The following KCTD1 variants were observed in gnomAD, a reference collection of about 807,000 sequenced individuals.
KCTD1 encodes the protein BTB/POZ domain-containing protein KCTD1.
Under a neutral mutation model 66.0 loss-of-function variants are expected in KCTD1, and 24 were observed. The ratio of observed to expected loss-of-function variants is 0.36; its 90% CI spans 0.26 to 0.51. KCTD1 has a LOEUF of 0.51. Among genes scored for constraint, KCTD1 ranks in the 20% least tolerant of loss-of-function variants. KCTD1 has a pLI of 0.95. For missense variants in KCTD1, 943 were observed against 1,205.2 expected (o/e 0.78, Z 3.22); for synonymous variants, 511 against 517.2 (o/e 0.99, Z 0.16).
intron 1 of KCTD1, among the ~76,000 whole-genome samples, chr18:26,569,390 C>G (rs1214954589): frequency 6.6e-6 from 1 of 152,178 alleles, no homozygotes; most frequent in Non-Finnish European, 1.5e-5. Context: ...GTGCTTTGGG[C>G]AGAGCTTCTC....
chr18:26,651,562 T>A (rs1988034193), intron 1 of KCTD1, among the ~76,000 whole-genome samples: 1 of 151,894 alleles, frequency 6.6e-6, no homozygotes, highest in African/African-American at 2.4e-5. Context: ...GGTGGGCGGA[T>A]CACTTGAGGT....
intron 1 of KCTD1, among the ~76,000 whole-genome samples, chr18:26,646,492 T>C (rs1468775553): frequency 6.6e-6 from 1 of 152,206 alleles, no homozygotes; most frequent in Non-Finnish European, 1.5e-5. Context: ...GTGTTAAAAA[T>C]GTATCTGTCA....
chr18:26,581,307 G>A (rs1259415177), intron 1 of KCTD1: 1 of 152,170 alleles, frequency 6.6e-6, no homozygotes, highest in African/African-American at 2.4e-5. Flanking sequence ...TAGTGCAGTG[G>A]TATGATCATG....
At chr18:26,548,661 C>T, upstream of KCTD1, 2 of 1,071,054 alleles carry the variant, frequency 1.9e-6, no homozygotes, top group Non-Finnish European at 2.3e-6. Flanking sequence ...AAAGGAGCCG[C>T]GCTCCAATTG....
At chr18:26,536,295 T>C (rs1405388764) in intron 1 of KCTD1, among the ~76,000 whole-genome samples, 1 of 152,248 alleles carries the variant, frequency 6.6e-6, no homozygotes, top group Non-Finnish European at 1.5e-5. Flanking sequence ...TCTTAAAATA[T>C]GTGGCTTCAC....
intron 2 of KCTD1, among the ~76,000 whole-genome samples, chr18:26,497,481 T>C (rs770697002): frequency 1.4e-4 from 22 of 152,270 alleles, no homozygotes; most frequent in South Asian, 4.1e-4. Flanking sequence ...GTTGATAATA[T>C]GCAAGAGACT....
chr18:26,557,307 A>G (rs1391777601), intron 1 of KCTD1, among the ~76,000 whole-genome samples: 1 of 152,216 alleles, frequency 6.6e-6, no homozygotes, highest in Non-Finnish European at 1.5e-5. Flanking sequence ...TGAAATGCCC[A>G]GGAAAGTGTT....
intron 1 of KCTD1, among the ~76,000 whole-genome samples, chr18:26,628,761 G>A (rs73405379): frequency 9.2e-5 from 14 of 152,278 alleles, no homozygotes; most frequent in African/African-American, 3.4e-4. Flanking sequence ...AAGGGGTATG[G>A]GGTGGAGTTA....
chr18:26,571,938 G>A (rs1986117281), intron 1 of KCTD1, among the ~76,000 whole-genome samples: 1 of 152,100 alleles, frequency 6.6e-6, no homozygotes, highest in South Asian at 2.1e-4. Flanking sequence ...TTAACCCATT[G>A]AGTGAATTTA....
In KCTD1 at chr18:26,476,799, T is replaced by G; in HGVS notation, c.1989-140A>C. ...AAAAATTACGATTGTCTGCAAAGTGTTGGTCCCCGCTTGATAAATATCTCA... is the reference window on the plus strand; with the variant it reads ...AAAAATTACGATTGTCTGCAAAGTGGTGGTCCCCGCTTGATAAATATCTCA... On this transcript the variant is annotated intron_variant, in intron 2 of 4. Coordinates refer to ENST00000580059, the MANE Select transcript of KCTD1 (RefSeq NM_001142730.3). This position sits in a 1 kb window ranked among gnomAD's most constrained non-coding sequence, Gnocchi z 4.9. The G allele has an allele frequency of 1.5e-6, 1 of 686,382 alleles. No homozygotes were observed. Among genetic ancestry groups the G allele is most frequent in the Non-Finnish European group, 2.5e-6 (1 of 402,426 alleles). The allele number at this position is 686,382 out of a possible 1,614,324, so 42.5% of individuals were successfully genotyped here.
chr18:26,501,026 C>T (rs975452274), intron 2 of KCTD1, 46 bp downstream of exon 2: 1 of 1,589,926 alleles, frequency 6.3e-7, no homozygotes, highest in Non-Finnish European at 8.6e-7. Flanking sequence ...AACAGGTTAC[C>T]AAATACATGC....
chr18:26,617,838 A>C (rs977267283), intron 1 of KCTD1, among the ~76,000 whole-genome samples: 1 of 71,030 alleles, frequency 1.4e-5, no homozygotes, highest in Non-Finnish European at 2.8e-5. Context: ...GGAAGAAGGA[A>C]GGAAGGAAGG....
rs574319246 is a variant in KCTD1, at chr18:26,517,537, A to C, written c.1810-16287T>G. Among the ~76,000 whole-genome samples the C allele has an allele frequency of 2.6e-3, 402 of 152,072 alleles. 2 individuals are homozygous for C. The highest frequency in any genetic ancestry group is 9.2e-3 in the African/African-American group (381 of 41,454). On this transcript the variant is annotated intron_variant, in intron 1 of 4. Transcript: ENST00000580059. ...CTGAGCATGGTGATGCATGCCTGTA[A>C]TCCTAGCTACTCAAGAGGCTGAGGC...
chr18:26,469,029 G>C (rs1264599242), intron 3 of KCTD1, among the ~76,000 whole-genome samples: 4 of 152,300 alleles, frequency 2.6e-5, no homozygotes, highest in Non-Finnish European at 5.9e-5. Flanking sequence ...CCAGCCACCA[G>C]AGCGGAAGGA....
chr18:26,567,470 T>C lies in KCTD1; in HGVS notation c.-16+61677A>G, dbSNP rs528445816. Among the ~76,000 whole-genome samples the C allele has an allele frequency of 5.1e-5, 7 of 138,104 alleles. No individual in the cohort carries two copies. In the East Asian group the frequency reaches 1.6e-3, roughly 31 times the overall value. 90.6% of individuals were successfully genotyped at this position (138,104 alleles called of 152,430 possible). On this transcript the variant is annotated intron_variant, in intron 1 of 4. Coordinates refer to the KCTD1 transcript ENST00000317932. ...GGAAATGCTGTTGTTCTAGAAATGC[T>C]GTTGTTCTGTTGTTGTTGTTTTTTT...
chr18:26,500,929 G>C, intron 2 of KCTD1, 143 bp downstream of exon 2: 1 of 793,178 alleles, frequency 1.3e-6, no homozygotes, highest in Non-Finnish European at 2.0e-6. Context: ...AAGACATCCA[G>C]CCTAGGCAGC....
intron 1 of KCTD1, among the ~76,000 whole-genome samples, chr18:26,606,952 T>C (rs1189036363): frequency 1.3e-5 from 2 of 152,038 alleles, no homozygotes; most frequent in Admixed American, 6.6e-5. Flanking sequence ...CCTAAACTTA[T>C]CTTTCTATCA....
chr18:26,643,961 CA>C (rs890315771), upstream of KCTD1, among the ~76,000 whole-genome samples: 38 of 143,046 alleles, frequency 2.7e-4, no homozygotes, highest in East Asian at 4.1e-4. Flanking sequence ...GACTCTGTCT[CA>C]AAAAAAAAAG....
chr18:26,595,618 T>C (rs528812649), intron 1 of KCTD1, among the ~76,000 whole-genome samples: 2 of 152,350 alleles, frequency 1.3e-5, no homozygotes, highest in South Asian at 4.1e-4. Flanking sequence ...GAAGTGCCTA[T>C]GTGCCCTGCA....
Sources: allele counts gnomAD v4.1 joint callset (sites outside exome capture counted in the v4.1 genomes callset), GRCh38; gene constraint gnomAD v4.1.1; non-coding constraint Gnocchi (gnomAD v3.1); transcripts MANE v1.5; gene names NCBI Gene and HGNC (gene_info 2026-07-23, HGNC 2026-07-21).